ARRB1: variants seen among roughly 807,000 people sequenced by gnomAD.
The protein encoded by ARRB1 is arrestin beta 1, also known as beta-arrestin-1.
Under a neutral mutation model 56.8 loss-of-function variants are expected in ARRB1, and 21 were observed. The ratio of observed to expected loss-of-function variants is 0.37; its 90% confidence interval spans 0.26 to 0.53. The LOEUF (loss-of-function observed/expected upper bound fraction) is 0.53. Ranked by LOEUF, ARRB1 falls within the 20% of genes least tolerant of loss-of-function variation. The pLI, the probability that ARRB1 is intolerant of heterozygous loss-of-function variation, is 0.88. For missense variants in ARRB1, 424 were observed against 553.7 expected, an observed-to-expected ratio of 0.77 and a Z score of 2.35; for synonymous variants, 210 against 218.6, an observed-to-expected ratio of 0.96 and a Z score of 0.35.
rs757711991 is a variant in ARRB1, at chr11:75,268,973, CCA to C, written c.1023-16_1023-15del. ...ACGGCCACGTCGCTGAAACAGAGACCCAGACCCAGTGAGCCTTGAGCGGACTC... is the reference window on the plus strand; with the variant it reads ...ACGGCCACGTCGCTGAAACAGAGACCGACCCAGTGAGCCTTGAGCGGACTC... On this transcript the variant is annotated splice_polypyrimidine_tract_variant and intron_variant, in intron 13 of 15. Coordinates refer to ENST00000420843, the MANE Select transcript of ARRB1 (RefSeq NM_004041.5). The C allele has an allele frequency of 7.5e-6, 12 of 1,607,976 alleles. No individual in the cohort carries two copies. In the African/African-American group the frequency reaches 9.4e-5, roughly 13 times the overall value.
rs1591888040 is a variant in ARRB1 at position 75,269,038 on chromosome 11, C to T, written c.1023-79G>A. 1.4e-5 allele frequency: 21 copies of T among 1,484,626 alleles called. No individual in the cohort carries two copies. In the East Asian group the frequency reaches 1.6e-4, roughly 11 times the overall value. 92.0% of individuals were successfully genotyped at this position (1,484,626 alleles called of 1,614,324 possible). A position where few individuals can be genotyped will look rare whatever the true frequency, so the allele number is the denominator to read the frequency against. ...ACTTGATGTCGATGCCCTGTCAGTC[C>T]GAGGACTGCAGAGGGTTTTGCCGTC... On this transcript the variant is annotated intron_variant, in intron 13 of 15. Transcript: ENST00000420843.
intron 10 of ARRB1, among the ~76,000 whole-genome samples, chr11:75,275,911 A>T (rs1946191591): frequency 6.6e-6 from 1 of 152,216 alleles, no homozygotes; most frequent in Admixed American, 6.5e-5. Flanking sequence ...TTTAGGGATT[A>T]TATGTTACTC....
rs1001423704 is a variant in ARRB1, at chr11:75,315,868, C to CAG, written c.21-25831_21-25830dup. 3.9e-5 allele frequency among the ~76,000 whole-genome samples: 6 copies of CAG among 152,228 alleles called. No individual in the cohort carries two copies. The East Asian group carries it at 1.2e-3, about 29-fold the overall frequency. The stretch of plus-strand genomic sequence containing the variant: ...CAGGGCTAGAATTTATAGCCATTCT[C>CAG]AGAGAGAGACCTCAAGACCAAATTA... On this transcript the variant is annotated intron_variant, in intron 1 of 15. Transcript: ENST00000420843.
intron 12 of ARRB1, 29 bp downstream of exon 12, chr11:75,272,866 G>A (rs781723018): frequency 2.7e-5 from 43 of 1,612,538 alleles, no homozygotes; most frequent in Non-Finnish European, 3.4e-5. Flanking sequence ...TCTGCACTCC[G>A]GGGTCTTGGG....
chr11:75,290,290 T>C (rs1203123147), intron 1 of ARRB1, among the ~76,000 whole-genome samples: 1 of 152,202 alleles, frequency 6.6e-6, no homozygotes, highest in African/African-American at 2.4e-5. Context: ...CAGGGCAGGC[T>C]GCGGGAGTCT....
At position 75,314,342 on chromosome 11, in the gene ARRB1, C is replaced by T. The variant is rs183917737; in HGVS notation, c.21-24303G>A. Among the ~76,000 whole-genome samples the T allele has an allele frequency of 1.1e-4, 17 of 152,318 alleles. No individual in the cohort carries two copies. In the East Asian group the frequency reaches 2.1e-3, roughly 19 times the overall value. ...GTAAAGATAACAGCAGACTGGATGC[C>T]GCAGGGCATGGTGGCACAGCTCCCA... On this transcript the variant is annotated intron_variant, in intron 1 of 15. Coordinates refer to ENST00000420843, the MANE Select transcript of ARRB1 (RefSeq NM_004041.5).
At chr11:75,331,768 T>G (rs1947524199) in intron 1 of ARRB1, among the ~76,000 whole-genome samples, 1 of 151,936 alleles carries the variant, frequency 6.6e-6, no homozygotes, top group Non-Finnish European at 1.5e-5. Context: ...GCCTGTTTGG[T>G]GGTCTCTTCA....
At chr11:75,336,198 A>AG (rs1947600396) in intron 1 of ARRB1, among the ~76,000 whole-genome samples, 1 of 152,214 alleles carries the variant, frequency 6.6e-6, no homozygotes, top group African/African-American at 2.4e-5. Flanking sequence ...AGAGTAGCTG[A>AG]GGGCTCAATA....
chr11:75,317,861 C>G (rs565328466), intron 1 of ARRB1, among the ~76,000 whole-genome samples: 1 of 152,058 alleles, frequency 6.6e-6, no homozygotes, highest in Non-Finnish European at 1.5e-5. Flanking sequence ...TAGAGGTTAC[C>G]CCCTAGCCTG....
intron 1 of ARRB1, among the ~76,000 whole-genome samples, chr11:75,323,345 G>A (rs1295417935): frequency 2.6e-5 from 4 of 152,330 alleles, no homozygotes; most frequent in South Asian, 2.1e-4. Flanking sequence ...GGGGCCGGGC[G>A]TGGTGGCTCA....
chr11:75,331,290 G>A (rs527236716), intron 1 of ARRB1, among the ~76,000 whole-genome samples: 8 of 152,100 alleles, frequency 5.3e-5, no homozygotes, highest in Non-Finnish European at 1.2e-4. Flanking sequence ...GGATTACAGG[G>A]GTGACCCACC....
intron 1 of ARRB1, among the ~76,000 whole-genome samples, chr11:75,333,567 T>C (rs893092108): frequency 2.0e-5 from 3 of 152,186 alleles, no homozygotes; most frequent in Admixed American, 6.5e-5. Context: ...TCAGCATGTA[T>C]TGAGCACCTA....
intron 1 of ARRB1, among the ~76,000 whole-genome samples, chr11:75,291,590 G>C (rs989905110): frequency 3.3e-5 from 5 of 152,104 alleles, no homozygotes; most frequent in Admixed American, 6.5e-5. Flanking sequence ...CCCGAGCTGG[G>C]TCTTGGAGCC....
chr11:75,349,088 G>T (rs181849811), intron 1 of ARRB1, among the ~76,000 whole-genome samples: 10 of 152,284 alleles, frequency 6.6e-5, no homozygotes, highest in African/African-American at 2.4e-4. Context: ...ATGCCTTACG[G>T]AAAAAGACAA....
chr11:75,265,843 A>C lies in ARRB1; in HGVS notation c.*320T>G. ...CACCACACCGTGTCCCACATTCCCC[A>C]TCCTCCCCTGTCTGCTCCCCATCTC... On this transcript the variant is annotated 3_prime_UTR_variant, in exon 16 of 16. Transcript: ENST00000420843. The C allele has an allele frequency of 2.7e-6, 1 of 369,884 alleles. No individual in the cohort carries two copies. The highest frequency in any genetic ancestry group is 5.1e-6 in the Non-Finnish European group (1 of 196,276). 22.9% of individuals were successfully genotyped at this position (369,884 alleles called of 1,614,324 possible). A position where few individuals can be genotyped will look rare whatever the true frequency, so the allele number is the denominator to read the frequency against.
chr11:75,293,685 G>C (rs1198418490), intron 1 of ARRB1, among the ~76,000 whole-genome samples: 1 of 152,124 alleles, frequency 6.6e-6, no homozygotes, highest in East Asian at 1.9e-4. Context: ...TGGAGACAAG[G>C]AACAGAACCA....
rs1170310501 is a variant in ARRB1 at position 75,282,130 on chromosome 11, GA to G, written c.355-110del. 4.6e-5 allele frequency: 52 copies of G among 1,127,044 alleles called. 1 individual carries two copies. In the East Asian group the frequency reaches 1.3e-3, roughly 28 times the overall value. The allele number at this position is 1,127,044 out of a possible 1,614,324, so 69.8% of individuals were successfully genotyped here. The stretch of plus-strand genomic sequence containing the variant: ...ACCCATCAGACCAAGGGCCCCAGGG[GA>G]CAGGCCATGTCTATCCCATCAGACC... On this transcript the variant is annotated intron_variant, in intron 5 of 15. Coordinates refer to ENST00000420843, the MANE Select transcript of ARRB1 (RefSeq NM_004041.5).
chr11:75,326,181 A>G (rs1947430478), intron 1 of ARRB1, among the ~76,000 whole-genome samples: 1 of 152,160 alleles, frequency 6.6e-6, no homozygotes, highest in African/African-American at 2.4e-5. Flanking sequence ...TTAACAGCCA[A>G]GGCTCCAGGC....
chr11:75,284,660 T>C lies in ARRB1; in HGVS notation c.113-381A>G, dbSNP rs148007053. 4.9e-3 allele frequency among the ~76,000 whole-genome samples: 743 copies of C among 152,244 alleles called. 3 individuals are homozygous for C. Among genetic ancestry groups the C allele is most frequent in the Middle Eastern group, 0.024 (7 of 294 alleles). On this transcript the variant is annotated intron_variant, in intron 3 of 15. Transcript: ENST00000420843. Reference sequence around the variant, plus strand: ...GGGTCATGCACATAATCCCAACACTTTGGGAGGCTGAGGTGGGCGGATCAC... The same window carrying C: ...GGGTCATGCACATAATCCCAACACTCTGGGAGGCTGAGGTGGGCGGATCAC...
Sources: allele counts gnomAD v4.1 joint callset (sites outside exome capture counted in the v4.1 genomes callset), GRCh38; gene constraint gnomAD v4.1.1; transcripts MANE v1.5; gene names NCBI Gene and HGNC (gene_info 2026-07-23, HGNC 2026-07-21).